The following CCDC27 variants were observed in gnomAD, a reference collection of about 807,000 sequenced individuals.
The protein encoded by CCDC27 is coiled-coil domain-containing protein 27.
A neutral mutation model predicts 80.3 loss-of-function variants in CCDC27; 80 were observed. The ratio of observed to expected loss-of-function variants is 1.00; its 90% CI spans 0.83 to 1.20. The LOEUF (loss-of-function observed/expected upper bound fraction) is 1.20, where lower values mean the gene tolerates loss of function less well. CCDC27 is among the 50% of genes most tolerant of loss of function. CCDC27 has a pLI of 0.00. For missense variants in CCDC27, 815 were observed against 809.4 expected, an observed-to-expected ratio of 1.01 and a Z score of -0.08; for synonymous variants, 342 against 334.3, an observed-to-expected ratio of 1.02 and a Z score of -0.25.
chr1:3,761,256 G>T lies in CCDC27; in HGVS notation c.712-25G>T. 1 of 1,611,066 alleles carries T rather than the reference G, an allele frequency of 6.2e-7. No individual in the cohort carries two copies. Among genetic ancestry groups the T allele is most frequent in the Non-Finnish European group, 8.5e-7 (1 of 1,178,308 alleles). On this transcript the variant is annotated intron_variant, in intron 4 of 11. Coordinates refer to ENST00000294600, the MANE Select transcript of CCDC27 (RefSeq NM_152492.3). The surrounding 1 kb of genome is among the most constrained non-coding windows in gnomAD (Gnocchi z 5.0). ...GAGTGTGTGGCTGCATGGCCCACGGGGGCTGCCCTTGGTTTTCTGCCCAGG... is the reference window on the plus strand; with the variant it reads ...GAGTGTGTGGCTGCATGGCCCACGGTGGCTGCCCTTGGTTTTCTGCCCAGG...
Position 3,756,874 on chromosome 1 carries a change from C to G in CCDC27, c.695C>G (p.Ser232Ter). 6.2e-7 allele frequency: 1 copy of G among 1,612,916 alleles called. No homozygotes were observed. Among genetic ancestry groups the G allele is most frequent in the Non-Finnish European group, 8.5e-7 (1 of 1,179,696 alleles). ...CLRKRMPWYLSVIHEKDHCLS... is the reference protein window; with the variant it reads ...CLRKRMPWYL Reference sequence around the variant, plus strand: ...AGAAAGAGGATGCCCTGGTACCTCTCAGTCATCCACGAGAAGGTACTGGCG... The same window carrying G: ...AGAAAGAGGATGCCCTGGTACCTCTGAGTCATCCACGAGAAGGTACTGGCG... The change falls in exon 4 of 12, where the codon TCA (serine) becomes TGA (stop). Residue 232 changes from serine (S) to a stop codon, truncating the protein, a stop_gained. Coordinates refer to ENST00000294600, the MANE Select transcript of CCDC27 (RefSeq NM_152492.3). LOFTEE classifies it high-confidence loss of function.
rs1322986671 is a variant in CCDC27, at chr1:3,761,931, C to T, written c.861+501C>T. On this transcript the variant is annotated intron_variant, in intron 5 of 11. Transcript: ENST00000294600. This position sits in a 1 kb window ranked among gnomAD's most constrained non-coding sequence, Gnocchi z 5.0. The stretch of plus-strand genomic sequence containing the variant: ...GCCCTGGCCAGGAATCCCTTCTCCC[C>T]ACTCTCTGGCTGTGAAGCCCCCTGC... 2.0e-5 allele frequency among the ~76,000 whole-genome samples: 3 copies of T among 151,666 alleles called. No homozygotes were observed. Among genetic ancestry groups the T allele is most frequent in the Admixed American group, 1.3e-4 (2 of 15,254 alleles).
rs1343837887 is a variant in CCDC27, at chr1:3,760,953, T to C, written c.712-328T>C. On this transcript the variant is annotated intron_variant, in intron 4 of 11. Coordinates refer to ENST00000294600, the MANE Select transcript of CCDC27 (RefSeq NM_152492.3). This position sits in a 1 kb window ranked among gnomAD's most constrained non-coding sequence, Gnocchi z 4.3. The stretch of plus-strand genomic sequence containing the variant: ...CAAAGAAGACTGGTGTCCTGTGGTA[T>C]AGTGGGGTGCAGGGACACACCACGG... Among the ~76,000 whole-genome samples, 3 of 152,128 alleles carry C rather than the reference T, an allele frequency of 2.0e-5. No homozygotes were observed. Among genetic ancestry groups the C allele is most frequent in the Non-Finnish European group, 4.4e-5 (3 of 68,024 alleles).
At chr1:3,756,918 GC>G (rs752284645) in intron 4 of CCDC27, 28 bp downstream of exon 4, 2 of 1,598,040 alleles carry the variant, frequency 1.3e-6, no homozygotes, top group South Asian at 1.1e-5. Context: ...GCAAATCCCG[GC>G]CCCCCACCCC....
chr1:3,763,049 C>T lies in CCDC27; in HGVS notation c.955-59C>T. On this transcript the variant is annotated intron_variant, in intron 6 of 11. Transcript: ENST00000294600. The surrounding 1 kb of genome is among the most constrained non-coding windows in gnomAD (Gnocchi z 7.5). The stretch of plus-strand genomic sequence containing the variant: ...GGTGCCCCCGCCATGAGCATTAGAG[C>T]CCTCTGCCCTGGGGGTGCCCCGCAG... 6.9e-7 allele frequency: 1 copy of T among 1,440,286 alleles called. No individual in the cohort carries two copies. The allele number at this position is 1,440,286 out of a possible 1,614,324, so 89.2% of individuals were successfully genotyped here.
At position 3,769,274 on chromosome 1, in the gene CCDC27, G is replaced by C. The variant is rs568531645; in HGVS notation, c.1744-509G>C. ...GAGAACGCCTTCTGGGTCTGTGCGC[G>C]GGGGCCAGGTTCAACGCTGCTGTCC... On this transcript the variant is annotated intron_variant, in intron 10 of 11. Coordinates refer to ENST00000294600, the MANE Select transcript of CCDC27 (RefSeq NM_152492.3). The surrounding 1 kb of genome is among the most constrained non-coding windows in gnomAD (Gnocchi z 4.6). 5.9e-5 allele frequency among the ~76,000 whole-genome samples: 9 copies of C among 152,188 alleles called. No individual in the cohort carries two copies. In the South Asian group the frequency reaches 1.9e-3, roughly 32 times the overall value.
chr1:3,753,020 C>A (rs1642862439), intron 1 of CCDC27, among the ~76,000 whole-genome samples: 1 of 152,252 alleles, frequency 6.6e-6, no homozygotes, highest in Non-Finnish European at 1.5e-5. Context: ...TTAGTCCCCA[C>A]ATGCCACCGG....
intron 1 of CCDC27, 52 bp from the exon 2 acceptor site, chr1:3,754,066 G>A (rs1642890659): frequency 6.3e-7 from 1 of 1,599,160 alleles, no homozygotes; most frequent in African/African-American, 1.3e-5. Flanking sequence ...TGGATGGGCT[G>A]GCCTACAGTC....
rs1642973967 is a variant in CCDC27, at chr1:3,756,976, C to G, written c.711+86C>G. 3.4e-6 allele frequency: 5 copies of G among 1,466,716 alleles called. No individual in the cohort carries two copies. In the South Asian group the frequency reaches 6.4e-5, roughly 19 times the overall value. 90.9% of individuals were successfully genotyped at this position (1,466,716 alleles called of 1,614,324 possible). ...GGACAGCCCTGCTCCCTGACAGGCTCTGGTTCTAGTATCTGGTTAGCTGCA... is the reference window on the plus strand; with the variant it reads ...GGACAGCCCTGCTCCCTGACAGGCTGTGGTTCTAGTATCTGGTTAGCTGCA... On this transcript the variant is annotated intron_variant, in intron 4 of 11. Coordinates refer to ENST00000294600, the MANE Select transcript of CCDC27 (RefSeq NM_152492.3).
At chr1:3,753,701 CAG>C (rs1187061044) in intron 1 of CCDC27, among the ~76,000 whole-genome samples, 1 of 152,204 alleles carries the variant, frequency 6.6e-6, no homozygotes, top group Non-Finnish European at 1.5e-5. Context: ...GGAGAGGGGA[CAG>C]AGGGGACACA....
At chr1:3,754,301 G>A (rs1204649570) in intron 2 of CCDC27, 60 bp downstream of exon 2, 28 of 1,516,864 alleles carry the variant, frequency 1.8e-5, no homozygotes, top group African/African-American at 2.8e-5. Context: ...GGGGCCGGGG[G>A]AGGCCTTCCT....
At chr1:3,754,063 G>T in intron 1 of CCDC27, 55 bp from the exon 2 acceptor site, 3 of 1,594,282 alleles carry the variant, frequency 1.9e-6, no homozygotes, top group Non-Finnish European at 2.6e-6. Context: ...CCTTGGATGG[G>T]CTGGCCTACA....
chr1:3,768,277 T>C lies in CCDC27; in HGVS notation c.1743+832T>C, dbSNP rs1643282069. Among the ~76,000 whole-genome samples the C allele has an allele frequency of 6.6e-6, 1 of 151,932 alleles. No homozygotes were observed. Among genetic ancestry groups the C allele is most frequent in the South Asian group, 2.1e-4 (1 of 4,818 alleles). ...CATACCTGGCCAATTTTAAAAGCTT[T>C]TTGTAGAGACGGTCTCACTATGCTG... is the stretch of plus-strand genomic sequence containing the variant. On this transcript the variant is annotated intron_variant, in intron 10 of 11. Transcript: ENST00000294600. The surrounding 1 kb of genome is among the most constrained non-coding windows in gnomAD (Gnocchi z 5.6).
chr1:3,770,190 G>A (rs1479843518), intron 11 of CCDC27, among the ~76,000 whole-genome samples: 1 of 152,152 alleles, frequency 6.6e-6, no homozygotes, highest in African/African-American at 2.4e-5. Context: ...GGGACAAGCC[G>A]CTCAGGGCAC....
In CCDC27 at chr1:3,761,399, G is replaced by C. The variant is rs764686407; in HGVS notation, c.830G>C (p.Gly277Ala). 2 of 1,613,922 alleles carry C rather than the reference G, an allele frequency of 1.2e-6. No homozygotes were observed. The highest frequency in any genetic ancestry group is 1.7e-6 in the Non-Finnish European group (2 of 1,180,028). ...MQLKCLLKGK[G>A]QETSMSPGRR... ...CTGAAATGCCTTCTGAAAGGCAAAGGCCAAGAGACATCCATGTCCCCAGGC... is the reference window on the plus strand; with the variant it reads ...CTGAAATGCCTTCTGAAAGGCAAAGCCCAAGAGACATCCATGTCCCCAGGC... The change falls in exon 5 of 12, where the codon GGC becomes GCC. Residue 277 changes from glycine to alanine, a missense_variant. Transcript: ENST00000294600. This position sits in a 1 kb window ranked among gnomAD's most constrained non-coding sequence, Gnocchi z 5.0.
chr1:3,771,511 G>A lies in CCDC27; in HGVS notation c.1959G>A (p.Gly653=). ...EAFLTSKSKK[G]TSK Reference sequence around the variant, plus strand: ...TCCTGACCAGCAAATCCAAGAAGGGGACCTCCAAGTAGGCCCAGCCAGGCC... The same window carrying A: ...TCCTGACCAGCAAATCCAAGAAGGGAACCTCCAAGTAGGCCCAGCCAGGCC... The change falls in exon 12 of 12, where the codon GGG becomes GGA. Residue 653 remains glycine, a synonymous_variant. Transcript: ENST00000294600. 6.2e-7 allele frequency: 1 copy of A among 1,613,660 alleles called. No individual in the cohort carries two copies. Among genetic ancestry groups the A allele is most frequent in the South Asian group, 1.1e-5 (1 of 91,074 alleles).
Position 3,760,539 on chromosome 1 carries a change from G to A in CCDC27, c.712-742G>A, listed in dbSNP as rs942245526. The stretch of plus-strand genomic sequence containing the variant: ...TGCCATTAATCACAACTTTAACTGC[G>A]TCCCACGAGCTTTGATGTGTCCGGA... On this transcript the variant is annotated intron_variant, in intron 4 of 11. Transcript: ENST00000294600. This position sits in a 1 kb window ranked among gnomAD's most constrained non-coding sequence, Gnocchi z 4.3. Among the ~76,000 whole-genome samples, 5 of 152,096 alleles carry A rather than the reference G, an allele frequency of 3.3e-5. No individual in the cohort carries two copies. Among genetic ancestry groups the A allele is most frequent in the African/African-American group, 4.8e-5 (2 of 41,408 alleles).
rs550646021 is a variant in CCDC27 at position 3,771,301 on chromosome 1, G to A, written c.1849-100G>A. The A allele has an allele frequency of 5.4e-4, 791 of 1,470,464 alleles. 2 individuals carry two copies. The highest frequency in any genetic ancestry group is 1.8e-4 in the Non-Finnish European group (192 of 1,068,866). 91.1% of individuals were successfully genotyped at this position (1,470,464 alleles called of 1,614,324 possible). A position where few individuals can be genotyped will look rare whatever the true frequency, so the allele number is the denominator to read the frequency against. On this transcript the variant is annotated intron_variant, in intron 11 of 11. Transcript: ENST00000294600. ...CAAGCCTCTCTGGAGGAGGAGGAGA[G>A]GGTGGCGTCCCGGGCAGCTGGCACG...
chr1:3,762,735 G>A, intron 6 of CCDC27, 23 bp downstream of exon 6: 1 of 1,544,264 alleles, frequency 6.5e-7, no homozygotes, highest in Non-Finnish European at 8.7e-7. Context: ...TGGAGAGCAG[G>A]CACGCAGTGG....
Sources: gnomAD v4.1 joint callset for allele counts (sites outside exome capture counted in the v4.1 genomes callset) on GRCh38, gnomAD v4.1.1 for gene constraint, Gnocchi (gnomAD v3.1) non-coding constraint, MANE v1.5 for transcripts, NCBI Gene and HGNC (gene_info 2026-07-23, HGNC 2026-07-21) for gene names.